ALOX5AP: variants seen among roughly 807,000 people sequenced by gnomAD.
The protein encoded by ALOX5AP is arachidonate 5-lipoxygenase-activating protein.
A neutral mutation model predicts 18.5 loss-of-function variants in ALOX5AP; 9 were observed. The ratio of observed to expected loss-of-function variants is 0.49; its 90% CI spans 0.29 to 0.85. The LOEUF is 0.85. Among genes scored for constraint, ALOX5AP ranks in the 40% least tolerant of loss-of-function variants. The pLI, the probability that ALOX5AP is intolerant of heterozygous loss-of-function variation, is 0.08. For synonymous variants in ALOX5AP, 81 were observed against 78.6 expected, an observed-to-expected ratio of 1.03 and a Z score of -0.16; for missense variants, 172 against 202.5, an observed-to-expected ratio of 0.85 and a Z score of 0.91.
intron 1 of ALOX5AP, among the ~76,000 whole-genome samples, chr13:30,720,282 A>G (rs957236534): frequency 6.6e-6 from 1 of 152,220 alleles, no homozygotes; most frequent in East Asian, 1.9e-4. Flanking sequence ...GGCTACCTAG[A>G]AAGATCTTTA....
upstream of ALOX5AP, among the ~76,000 whole-genome samples, chr13:30,734,568 G>A (rs115109982): frequency 8.5e-5 from 13 of 152,284 alleles, no homozygotes; most frequent in African/African-American, 2.9e-4. Context: ...AGAATACCAG[G>A]CAGCCACCTC....
intron 1 of ALOX5AP, among the ~76,000 whole-genome samples, chr13:30,737,447 GTCT>G (rs763702111): frequency 7.2e-5 from 11 of 152,326 alleles, no homozygotes; most frequent in South Asian, 2.1e-4. Flanking sequence ...ATAGGATTAA[GTCT>G]TCTTCTGTGG....
chr13:30,757,715 G>A (rs1271346197), intron 4 of ALOX5AP, among the ~76,000 whole-genome samples: 3 of 151,982 alleles, frequency 2.0e-5, no homozygotes, highest in African/African-American at 4.8e-5. Context: ...CTTTAATTCC[G>A]AGACCATCTG....
At chr13:30,713,855 T>TGC (rs1555253792) in intron 1 of ALOX5AP, 2 of 1,534,062 alleles carry the variant, frequency 1.3e-6, no homozygotes, top group South Asian at 1.2e-5. Context: ...TGTGTGTGTG[T>TGC]GCGCGCACAC....
chr13:30,763,267 C>A (rs1177910405), intron 4 of ALOX5AP, among the ~76,000 whole-genome samples: 1 of 152,168 alleles, frequency 6.6e-6, no homozygotes, highest in Non-Finnish European at 1.5e-5. Flanking sequence ...GAGATTGCAC[C>A]ACTGCACTCC....
intron 1 of ALOX5AP, among the ~76,000 whole-genome samples, chr13:30,722,902 C>G (rs890918475): frequency 3.9e-5 from 6 of 152,198 alleles, no homozygotes; most frequent in Non-Finnish European, 8.8e-5. Context: ...TCCCCTTCTC[C>G]TTTTGCCATA....
At chr13:30,717,342 C>G (rs2137783897) in intron 1 of ALOX5AP, among the ~76,000 whole-genome samples, 1 of 152,332 alleles carries the variant, frequency 6.6e-6, no homozygotes, top group East Asian at 1.9e-4. Context: ...CTTCTGCGAG[C>G]AAAGGTGTGG....
At position 30,742,173 on chromosome 13, in the gene ALOX5AP, G is replaced by A. The variant is rs1032890820; in HGVS notation, c.71-1887G>A. Among the ~76,000 whole-genome samples the A allele has an allele frequency of 9.2e-5, 14 of 151,904 alleles. No individual in the cohort carries two copies. The East Asian group carries it at 1.5e-3, about 17-fold the overall frequency. Reference sequence around the variant, plus strand: ...TCTACTAAAAATACAAAAATTAGCCGGGCGTGATGACGCATGCCTGTAGTC... The same window carrying A: ...TCTACTAAAAATACAAAAATTAGCCAGGCGTGATGACGCATGCCTGTAGTC... On this transcript the variant is annotated intron_variant, in intron 1 of 4. Transcript: ENST00000380490.
chr13:30,735,647 C>A lies in ALOX5AP; in HGVS notation c.42C>A (p.Ile14=). Residue 14 remains isoleucine (I), a synonymous_variant, in exon 1 of 5, where the codon ATC becomes ATA. Coordinates refer to ENST00000380490, the MANE Select transcript of ALOX5AP (RefSeq NM_001629.4). ...TAGGCAATGTTGTCCTGTTGGCCAT[C>A]GTCACCCTCATCAGCGTGGTCCAGA... ...ETVGNVVLLA[I]VTLISVVQNG... 1 of 1,614,124 alleles carries A rather than the reference C, an allele frequency of 6.2e-7. No individual in the cohort carries two copies. Among genetic ancestry groups the A allele is most frequent in the Non-Finnish European group, 8.5e-7 (1 of 1,180,012 alleles).
exon 1 of ALOX5AP, chr13:30,713,616 C>T: frequency 1.3e-6 from 1 of 770,100 alleles, no homozygotes; most frequent in Middle Eastern, 2.3e-4. Flanking sequence ...CACCTCCTCT[C>T]ATCTCCCGTT....
At chr13:30,719,856 C>A (rs1404814123) in intron 1 of ALOX5AP, among the ~76,000 whole-genome samples, 1 of 151,370 alleles carries the variant, frequency 6.6e-6, no homozygotes, top group African/African-American at 2.4e-5. Flanking sequence ...TTTTTTTTCC[C>A]AGAGGATAAT....
chr13:30,722,059 CA>C (rs1460752761), intron 1 of ALOX5AP, among the ~76,000 whole-genome samples: 1 of 152,232 alleles, frequency 6.6e-6, no homozygotes, highest in African/African-American at 2.4e-5. Context: ...TTGCATTCCT[CA>C]TCTTTTCTGA....
Position 30,729,604 on chromosome 13 carries a change from T to C in ALOX5AP, c.117-5947T>C, listed in dbSNP as rs916700665. Reference sequence around the variant, plus strand: ...TTTTTTTTTTTTTTTTTAGATGGGGTCTCGCTCTGTCACCCAGGCTGGAGT... The same window carrying C: ...TTTTTTTTTTTTTTTTTAGATGGGGCCTCGCTCTGTCACCCAGGCTGGAGT... On this transcript the variant is annotated intron_variant, in intron 1 of 5. Coordinates refer to the ALOX5AP transcript ENST00000617770. Among the ~76,000 whole-genome samples the C allele has an allele frequency of 1.4e-4, 19 of 135,562 alleles. 1 individual carries two copies. The highest frequency in any genetic ancestry group is 5.0e-4 in the African/African-American group (19 of 38,346). The allele number at this position is 135,562 out of a possible 152,430, so 88.9% of individuals were successfully genotyped here.
At chr13:30,722,146 A>C (rs559270043) in intron 1 of ALOX5AP, among the ~76,000 whole-genome samples, 2 of 152,358 alleles carry the variant, frequency 1.3e-5, no homozygotes, top group Admixed American at 1.3e-4. Flanking sequence ...TTTCCAAGAA[A>C]GCTCGTTGAA....
At chr13:30,752,742 C>G (rs1479469821) in intron 3 of ALOX5AP, among the ~76,000 whole-genome samples, 1 of 152,196 alleles carries the variant, frequency 6.6e-6, no homozygotes, top group Non-Finnish European at 1.5e-5. Flanking sequence ...CTTCTGTGGC[C>G]CTGGAGGGCA....
chr13:30,718,804 C>G (rs759547098), intron 1 of ALOX5AP, among the ~76,000 whole-genome samples: 16 of 152,182 alleles, frequency 1.1e-4, no homozygotes, highest in Non-Finnish European at 2.1e-4. Flanking sequence ...GAGGTCATGA[C>G]AGCCCTCTCC....
chr13:30,738,677 A>G (rs1341668401), intron 1 of ALOX5AP, among the ~76,000 whole-genome samples: 1 of 152,210 alleles, frequency 6.6e-6, no homozygotes, highest in Non-Finnish European at 1.5e-5. Flanking sequence ...GATTGGGAAG[A>G]AATGTGAGCT....
Position 30,752,070 on chromosome 13 carries a change from G to A in ALOX5AP, c.189G>A (p.Ala63=), listed in dbSNP as rs144243124. Residue 63 remains alanine (A), a synonymous_variant, in exon 3 of 5, where the codon GCG becomes GCA. Coordinates refer to ENST00000380490, the MANE Select transcript of ALOX5AP (RefSeq NM_001629.4). ...VYTANQNCVD[A]YPTFLAVLWS... The stretch of plus-strand genomic sequence containing the variant: ...TCTGCAGCCAGAACTGTGTAGATGC[G>A]TACCCCACTTTCCTCGCTGTGCTCT... The A allele has an allele frequency of 1.7e-5, 27 of 1,611,540 alleles. No homozygotes were observed. Among genetic ancestry groups the A allele is most frequent in the East Asian group, 1.6e-4 (7 of 44,734 alleles).
chr13:30,717,963 T>TTA (rs1245937531), intron 1 of ALOX5AP, among the ~76,000 whole-genome samples: 1 of 49,328 alleles, frequency 2.0e-5, no homozygotes, highest in Admixed American at 2.9e-4. Flanking sequence ...TGTTTATTTT[T>TTA]TCTTTTTTTT....
Sources: allele counts gnomAD v4.1 joint callset (sites outside exome capture counted in the v4.1 genomes callset), GRCh38; gene constraint gnomAD v4.1.1; transcripts MANE v1.5; gene names NCBI Gene and HGNC (gene_info 2026-07-23, HGNC 2026-07-21).